The following FRAS1 variants were observed in gnomAD, a reference collection of about 807,000 sequenced individuals.
FRAS1 encodes Fraser extracellular matrix complex subunit 1.
In FRAS1, 290 loss-of-function variants were observed where a neutral mutation model predicts 435.2. The ratio of observed to expected loss-of-function variants is 0.67; its 90% CI spans 0.61 to 0.73. FRAS1 has a LOEUF of 0.73. Among genes scored for constraint, FRAS1 ranks in the 30% least tolerant of loss-of-function variants. The pLI, the probability that FRAS1 is intolerant of heterozygous loss-of-function variation, is 0.00. For synonymous variants in FRAS1, 1,800 were observed against 1,851.0 expected, an observed-to-expected ratio of 0.97 and a Z score of 0.71; for missense variants, 4,860 against 5,001.5, an observed-to-expected ratio of 0.97 and a Z score of 0.85.
chr4:78,376,525 T>C (rs910397003), intron 26 of FRAS1, among the ~76,000 whole-genome samples: 2 of 152,198 alleles, frequency 1.3e-5, no homozygotes, highest in African/African-American at 4.8e-5. Flanking sequence ...ATATAATTTA[T>C]TTATATTTAT....
At chr4:78,095,173 C>T (rs971924253) in intron 2 of FRAS1, among the ~76,000 whole-genome samples, 3 of 152,158 alleles carry the variant, frequency 2.0e-5, no homozygotes, top group African/African-American at 7.2e-5. Context: ...AATGTTGAAA[C>T]TTTTCCAAGG....
chr4:78,301,846 G>GTT (rs59794614), intron 14 of FRAS1, among the ~76,000 whole-genome samples: 14,421 of 103,414 alleles, frequency 0.14, 1,817 homozygotes, highest in African/African-American at 0.35. Flanking sequence ...CACAGAAACA[G>GTT]TTTTTTTTTT....
chr4:78,401,354 C>T (rs1005225698), intron 30 of FRAS1, among the ~76,000 whole-genome samples: 1 of 152,076 alleles, frequency 6.6e-6, no homozygotes, highest in African/African-American at 2.4e-5. Context: ...AATAAGAAAA[C>T]CTGAGAAATT....
chr4:78,295,748 CTTT>C (rs571061110), intron 14 of FRAS1, among the ~76,000 whole-genome samples: 6 of 141,160 alleles, frequency 4.3e-5, no homozygotes, highest in Non-Finnish European at 4.7e-5. Flanking sequence ...ATATTTCCTT[CTTT>C]TTTTTTTTTT....
At chr4:78,160,128 T>A (rs1417064284) in intron 2 of FRAS1, among the ~76,000 whole-genome samples, 1 of 152,228 alleles carries the variant, frequency 6.6e-6, no homozygotes, top group Non-Finnish European at 1.5e-5. Flanking sequence ...TTATAGTTTT[T>A]AATTTACCCA....
chr4:78,226,817 T>G (rs1487560939), intron 2 of FRAS1, among the ~76,000 whole-genome samples: 1 of 152,186 alleles, frequency 6.6e-6, no homozygotes, highest in Non-Finnish European at 1.5e-5. Context: ...AATCACCCAT[T>G]TGTTGAACTT....
chr4:78,420,938 TTATTAAG>T (rs1344416411), intron 33 of FRAS1, among the ~76,000 whole-genome samples: 1 of 125,480 alleles, frequency 8.0e-6, no homozygotes, highest in African/African-American at 3.2e-5. Flanking sequence ...AAAGGGGAGT[TTATTAAG>T]TATTAACTCC....
chr4:78,414,764 T>C (rs887820014), intron 32 of FRAS1, among the ~76,000 whole-genome samples: 1 of 152,228 alleles, frequency 6.6e-6, no homozygotes, highest in South Asian at 2.1e-4. Context: ...GAGCTCCTAA[T>C]GTATGTTAAG....
At chr4:78,226,098 G>T (rs1042756257) in intron 2 of FRAS1, among the ~76,000 whole-genome samples, 1 of 151,866 alleles carries the variant, frequency 6.6e-6, no homozygotes, top group African/African-American at 2.4e-5. Flanking sequence ...GTTAATCATT[G>T]TGTTAAACAT....
At chr4:78,302,699 GTTGT>G (rs200192055) in intron 14 of FRAS1, among the ~76,000 whole-genome samples, 7,951 of 151,980 alleles carry the variant, frequency 0.052, 389 homozygotes, top group East Asian at 0.29. Flanking sequence ...TTTTGATGGG[GTTGT>G]TTGTTTTTTT....
intron 2 of FRAS1, among the ~76,000 whole-genome samples, chr4:78,159,380 T>C (rs1414163865): frequency 6.6e-6 from 1 of 152,148 alleles, no homozygotes; most frequent in Non-Finnish European, 1.5e-5. Context: ...GTGGCTCCTG[T>C]GCATTGTGCA....
rs775239660 is a variant in FRAS1 at position 78,508,849 on chromosome 4, G to C, written c.9623G>C (p.Arg3208Thr). ...ACCCCCTGCGACCCTCATTTCCCCAGATACGCTGTCATGAAGGAGCGCTGC... is the reference window on the plus strand; with the variant it reads ...ACCCCCTGCGACCCTCATTTCCCCACATACGCTGTCATGAAGGAGCGCTGC... ...CVTPCDPHFP[R>T]YAVMKERCSE... Residue 3208 changes from arginine to threonine, a missense_variant, in exon 63 of 74, where the codon AGA becomes ACA. Physicochemically the swap from Arg to Thr is moderately conservative, Grantham distance 71. Coordinates refer to ENST00000512123, the MANE Select transcript of FRAS1 (RefSeq NM_025074.7). 1 of 1,613,848 alleles carries C rather than the reference G, an allele frequency of 6.2e-7. No homozygotes were observed. Among genetic ancestry groups the C allele is most frequent in the South Asian group, 1.1e-5 (1 of 91,072 alleles).
At chr4:78,086,588 G>A (rs1028459309) in intron 2 of FRAS1, among the ~76,000 whole-genome samples, 2 of 152,076 alleles carry the variant, frequency 1.3e-5, no homozygotes, top group Admixed American at 1.3e-4. Flanking sequence ...AAATGACAAA[G>A]GGGATATCAC....
At chr4:78,473,688 A>C in intron 53 of FRAS1, 91 bp downstream of exon 53, 1 of 884,426 alleles carries the variant, frequency 1.1e-6, no homozygotes, top group Non-Finnish European at 1.7e-6. Flanking sequence ...AGCTCTAGTC[A>C]CCTCTTGATG....
chr4:78,182,058 G>C (rs1020868214), intron 2 of FRAS1: 1 of 1,507,380 alleles, frequency 6.6e-7, no homozygotes, highest in Admixed American at 2.4e-5. Flanking sequence ...ATGGTGGCTC[G>C]GCGGCGGGTT....
intron 38 of FRAS1, among the ~76,000 whole-genome samples, chr4:78,438,328 C>T (rs1382077902): frequency 6.6e-6 from 1 of 152,110 alleles, no homozygotes; most frequent in Non-Finnish European, 1.5e-5. Context: ...ACCTAAAGTG[C>T]ATTTCCCTTC....
At position 78,331,028 on chromosome 4, in the gene FRAS1, C is replaced by G. The variant is rs559806460; in HGVS notation, c.2138-2244C>G. 6.6e-5 allele frequency among the ~76,000 whole-genome samples: 10 copies of G among 152,310 alleles called. No individual in the cohort carries two copies. The South Asian group carries it at 2.1e-3, about 32-fold the overall frequency. On this transcript the variant is annotated intron_variant, in intron 18 of 73. Transcript: ENST00000512123. Reference sequence around the variant, plus strand: ...CTGGAAGCCCAGCTTTAAAATTTCTCTCTTTTGTACTCTGTCCCTTTATTT... The same window carrying G: ...CTGGAAGCCCAGCTTTAAAATTTCTGTCTTTTGTACTCTGTCCCTTTATTT...
chr4:78,254,024 G>A (rs1162289414), intron 5 of FRAS1, among the ~76,000 whole-genome samples: 1 of 49,842 alleles, frequency 2.0e-5, no homozygotes, highest in Non-Finnish European at 4.6e-5. Context: ...ATAAAGACAT[G>A]CTCCCCATGT....
At chr4:78,189,494 G>T (rs1722433720) in intron 2 of FRAS1, among the ~76,000 whole-genome samples, 1 of 152,230 alleles carries the variant, frequency 6.6e-6, no homozygotes, top group Non-Finnish European at 1.5e-5. Context: ...TTCAGAACAT[G>T]ATATGAGCAG....
Sources: gnomAD v4.1 joint callset for allele counts (sites outside exome capture counted in the v4.1 genomes callset) on GRCh38, gnomAD v4.1.1 for gene constraint, MANE v1.5 for transcripts, NCBI Gene and HGNC (gene_info 2026-07-23, HGNC 2026-07-21) for gene names.